Variants in CDC14A observed in about 807,000 individuals in gnomAD.
The protein encoded by CDC14A is dual specificity protein phosphatase CDC14A.
CDC14A carries 53 observed loss-of-function variants against 74.4 expected under a neutral mutation model. The ratio of observed to expected loss-of-function variants is 0.71; its 90% confidence interval spans 0.57 to 0.89. CDC14A has a LOEUF of 0.89. CDC14A is among the 40% of genes least tolerant of loss of function. The pLI is 0.00. For synonymous variants in CDC14A, 247 were observed against 258.4 expected, an observed-to-expected ratio of 0.96 and a Z score of 0.43; for missense variants, 646 against 713.7, an observed-to-expected ratio of 0.91 and a Z score of 1.08.
At chr1:100,424,431 G>A (rs1240159520) in intron 5 of CDC14A, 130 bp downstream of exon 5, 1 of 657,912 alleles carries the variant, frequency 1.5e-6, no homozygotes, top group Non-Finnish European at 2.8e-6. Flanking sequence ...TGAGATGGTA[G>A]TTTTTATTAT....
intron 4 of CDC14A, among the ~76,000 whole-genome samples, chr1:100,423,508 G>A (rs896344659): frequency 6.6e-6 from 1 of 152,104 alleles, no homozygotes; most frequent in Non-Finnish European, 1.5e-5. Flanking sequence ...TCTATTAAGG[G>A]AGGTGCCAGT....
chr1:100,435,479 G>C (rs1557757024), intron 5 of CDC14A, among the ~76,000 whole-genome samples: 1 of 152,166 alleles, frequency 6.6e-6, no homozygotes, highest in East Asian at 1.9e-4. Context: ...GGAATTACTG[G>C]TGATGGTTGT....
chr1:100,389,477 G>GTA (rs533465284), intron 3 of CDC14A, among the ~76,000 whole-genome samples: 2,255 of 149,938 alleles, frequency 0.015, 49 homozygotes, highest in African/African-American at 0.049. Flanking sequence ...ATATATATGT[G>GTA]TATATATATA....
chr1:100,354,035 T>G (rs895138403), intron 2 of CDC14A, among the ~76,000 whole-genome samples, 183 bp downstream of exon 2: 1 of 152,168 alleles, frequency 6.6e-6, no homozygotes, highest in African/African-American at 2.4e-5. Flanking sequence ...ATTTGAACCT[T>G]TCAACACTTC....
intron 3 of CDC14A, among the ~76,000 whole-genome samples, chr1:100,389,506 A>G (rs986629053): frequency 2.0e-5 from 3 of 151,816 alleles, no homozygotes; most frequent in Non-Finnish European, 4.4e-5. Context: ...TTGGTTATAA[A>G]AGAAATGCCT....
At chr1:100,517,061 G>C (rs955098308) in intron 15 of CDC14A, among the ~76,000 whole-genome samples, 1 of 152,146 alleles carries the variant, frequency 6.6e-6, no homozygotes, top group Non-Finnish European at 1.5e-5. Context: ...TTTCACATCT[G>C]TTATGACATT....
At chr1:100,452,414 A>T (rs1666236851) in intron 7 of CDC14A, among the ~76,000 whole-genome samples, 2 of 152,164 alleles carry the variant, frequency 1.3e-5, no homozygotes, top group South Asian at 4.1e-4. Context: ...TGGGAGGCTA[A>T]AGCAGGAGAA....
At chr1:100,412,722 ATT>A (rs1334139293) in intron 4 of CDC14A, among the ~76,000 whole-genome samples, 7 of 73,908 alleles carry the variant, frequency 9.5e-5, no homozygotes, top group Non-Finnish European at 1.4e-4. Flanking sequence ...ATATATATAT[ATT>A]TTATATATAT....
chr1:100,485,269 A>G, intron 11 of CDC14A: 1 of 985,394 alleles, frequency 1.0e-6, no homozygotes, highest in Non-Finnish European at 1.2e-6. Flanking sequence ...TAGTGGGGCC[A>G]CTTTGACAAC....
chr1:100,459,130 G>A (rs57421427), intron 8 of CDC14A, among the ~76,000 whole-genome samples: 1 of 122,062 alleles, frequency 8.2e-6, no homozygotes, highest in Non-Finnish European at 1.6e-5. Flanking sequence ...CACACACAGA[G>A]AGAGAGAGAG....
chr1:100,401,618 C>G (rs573482400), intron 4 of CDC14A, among the ~76,000 whole-genome samples: 23 of 152,260 alleles, frequency 1.5e-4, no homozygotes, highest in Non-Finnish European at 2.9e-4. Context: ...TAATTTTACT[C>G]TCAGCATTGT....
At chr1:100,406,932 A>C (rs79881183) in intron 4 of CDC14A, among the ~76,000 whole-genome samples, 1 of 143,142 alleles carries the variant, frequency 7.0e-6, no homozygotes, top group African/African-American at 2.6e-5. Flanking sequence ...GTCTCAAATA[A>C]AAAAAAAAAA....
chr1:100,355,382 T>A (rs1313569887), intron 2 of CDC14A, among the ~76,000 whole-genome samples: 1 of 152,212 alleles, frequency 6.6e-6, no homozygotes, highest in African/African-American at 2.4e-5. Flanking sequence ...TCTCTTGGGA[T>A]TGCTAGGTGG....
At chr1:100,412,367 A>G (rs978040784) in intron 4 of CDC14A, among the ~76,000 whole-genome samples, 5 of 152,088 alleles carry the variant, frequency 3.3e-5, no homozygotes, top group African/African-American at 1.2e-4. Flanking sequence ...CCATGAGGTC[A>G]GGAACATACT....
At chr1:100,412,767 A>ATATT (rs1553179032) in intron 4 of CDC14A, among the ~76,000 whole-genome samples, 14 of 88,386 alleles carry the variant, frequency 1.6e-4, no homozygotes, top group African/African-American at 5.6e-4. Context: ...ATATATATAT[A>ATATT]TTATATATAT....
chr1:100,459,124 C>CAGAGAGAGAGAGAGAGAGAG (rs1212963314), intron 8 of CDC14A, among the ~76,000 whole-genome samples: 3 of 146,848 alleles, frequency 2.0e-5, no homozygotes, highest in African/African-American at 7.6e-5. Flanking sequence ...CACACACACA[C>CAGAGAGAGAGAGAGAGAGAG]ACAGAGAGAG....
At chr1:100,366,302 A>C (rs1007718880) in intron 2 of CDC14A, among the ~76,000 whole-genome samples, 5 of 152,234 alleles carry the variant, frequency 3.3e-5, no homozygotes, top group Non-Finnish European at 5.9e-5. Context: ...ATAGGTAGTC[A>C]TAAATTTTGT....
intron 3 of CDC14A, among the ~76,000 whole-genome samples, chr1:100,384,070 C>A (rs1656516247): frequency 6.6e-6 from 1 of 152,126 alleles, no homozygotes; most frequent in Non-Finnish European, 1.5e-5. Flanking sequence ...TTATTTTTTT[C>A]TCTCTCCAAG....
intron 4 of CDC14A, among the ~76,000 whole-genome samples, chr1:100,391,978 AGT>A (rs1259664463): frequency 1.3e-5 from 2 of 152,258 alleles, no homozygotes; most frequent in African/African-American, 4.8e-5. Flanking sequence ...TACAAGGAAT[AGT>A]GTCTAAGAGT....
Sources: gnomAD v4.1 joint callset for allele counts (sites outside exome capture counted in the v4.1 genomes callset) on GRCh38, gnomAD v4.1.1 for gene constraint, MANE v1.5 for transcripts, NCBI Gene and HGNC (gene_info 2026-07-23, HGNC 2026-07-21) for gene names.